Variants in WDR11 observed in about 807,000 individuals in gnomAD.
WDR11 encodes WD repeat domain 11.
A neutral mutation model predicts 151.2 loss-of-function variants in WDR11; 83 were observed. That is an observed-to-expected ratio of 0.55 (90% CI 0.46 to 0.66). WDR11 has a LOEUF of 0.66. WDR11 is among the 30% of genes least tolerant of loss of function. The probability of loss-of-function intolerance (pLI) is 0.00; values close to 1 mark genes in which losing one functional copy is unlikely to be tolerated. For synonymous variants in WDR11, 484 were observed against 533.1 expected, an observed-to-expected ratio of 0.91 and a Z score of 1.27; for missense variants, 1,301 against 1,480.9, an observed-to-expected ratio of 0.88 and a Z score of 1.99.
chr10:120,878,339 A>G lies in WDR11; in HGVS notation c.1557-14A>G. ...AGAGAATTAGTTTAACCTTTATCTC[A>G]TTTCCTATTATAGGGGTATTGAATG... On this transcript the variant is annotated splice_polypyrimidine_tract_variant and intron_variant, in intron 11 of 28. Coordinates refer to ENST00000263461, the MANE Select transcript of WDR11 (RefSeq NM_018117.12). The G allele has an allele frequency of 6.4e-7, 1 of 1,570,526 alleles. No individual in the cohort carries two copies. Among genetic ancestry groups the G allele is most frequent in the Non-Finnish European group, 8.8e-7 (1 of 1,141,942 alleles).
In WDR11 at chr10:120,866,732, G is replaced by A; in HGVS notation, c.1158G>A (p.Lys386=). ...SDGRVMIWEL[K]SAVCNRNSRN... ...GCAGGGTCATGATATGGGAACTCAA[G>A]TCTGCAGTTTGTAATCGAAATTCAC... Residue 386 remains lysine, a synonymous_variant, in exon 8 of 29, where the codon AAG becomes AAA. Coordinates refer to ENST00000263461, the MANE Select transcript of WDR11 (RefSeq NM_018117.12). The A allele has an allele frequency of 1.2e-6, 2 of 1,614,144 alleles. No individual in the cohort carries two copies. Among genetic ancestry groups the A allele is most frequent in the Non-Finnish European group, 8.5e-7 (1 of 1,180,012 alleles).
In WDR11 at chr10:120,889,171, G is replaced by T; in HGVS notation, c.2215G>T (p.Gly739Cys). ...AAATTTAAATTTCTGGGACTTGAAA[G>T]GCAGAGTATCCAGGTATAAGCCAAG... ...DGNLNFWDLK[G>C]RVSRGIPTHR... Residue 739 changes from glycine (G) to cysteine (C), a missense_variant, in exon 17 of 29, where the codon GGC (glycine) becomes TGC (cysteine). By Grantham distance (159) the Gly-to-Cys change is radical. Transcript: ENST00000263461. 7 of 1,607,188 alleles carry T rather than the reference G, an allele frequency of 4.4e-6. No individual in the cohort carries two copies. Among genetic ancestry groups the T allele is most frequent in the Non-Finnish European group, 6.0e-6 (7 of 1,173,856 alleles).
At position 120,905,298 on chromosome 10, in the gene WDR11, GGA is replaced by G; in HGVS notation, c.3194-20_3194-19del. 6.2e-7 allele frequency: 1 copy of G among 1,612,524 alleles called. No homozygotes were observed. The highest frequency in any genetic ancestry group is 8.5e-7 in the Non-Finnish European group (1 of 1,178,974). On this transcript the variant is annotated intron_variant, in intron 25 of 28. Transcript: ENST00000263461. ...GAAGGAGCTGCAGTGTCACTTAAGGGGATGCGCTTTTGTCTTTCAGAGGGCGT... is the reference window on the plus strand; with the variant it reads ...GAAGGAGCTGCAGTGTCACTTAAGGGTGCGCTTTTGTCTTTCAGAGGGCGT...
At chr10:120,902,426 C>T (rs1314272572) in intron 22 of WDR11, 104 bp downstream of exon 22, 1 of 926,460 alleles carries the variant, frequency 1.1e-6, no homozygotes, top group Non-Finnish European at 1.7e-6. Context: ...AAAAATGTAT[C>T]AGTTCATCCT....
intron 21 of WDR11, among the ~76,000 whole-genome samples, chr10:120,901,337 C>T (rs1016044230): frequency 2.0e-5 from 3 of 152,324 alleles, no homozygotes; most frequent in South Asian, 4.1e-4. Context: ...GCACCAGCTG[C>T]TCTGATCTCA....
Position 120,858,549 on chromosome 10 carries a change from A to G in WDR11, c.199-94A>G, listed in dbSNP as rs1338835094. On this transcript the variant is annotated intron_variant, in intron 2 of 28. Coordinates refer to ENST00000263461, the MANE Select transcript of WDR11 (RefSeq NM_018117.12). ...TCTTGCTAAATGTTTATGTAATATA[A>G]ATGTAGTATGGGTTCTGGTTGATGT... 11 of 1,424,978 alleles carry G rather than the reference A, an allele frequency of 7.7e-6. No homozygotes were observed. The Middle Eastern group carries it at 5.8e-4, about 75-fold the overall frequency. 88.3% of individuals were successfully genotyped at this position (1,424,978 alleles called of 1,614,324 possible). A position where few individuals can be genotyped will look rare whatever the true frequency, so the allele number is the denominator to read the frequency against.
At chr10:120,908,284 A>C in intron 28 of WDR11, 1 of 464,944 alleles carries the variant, frequency 2.2e-6, no homozygotes, top group Non-Finnish European at 4.0e-6. Flanking sequence ...TTATGGGAGG[A>C]TGTTGGTTGG....
intron 4 of WDR11, among the ~76,000 whole-genome samples, chr10:120,861,325 A>T (rs968714755): frequency 6.6e-6 from 1 of 152,220 alleles, no homozygotes; most frequent in Non-Finnish European, 1.5e-5. Flanking sequence ...AATACACTAC[A>T]GGGTGCTTAG....
At chr10:120,878,074 G>C (rs1846862680) in intron 11 of WDR11, among the ~76,000 whole-genome samples, 1 of 152,100 alleles carries the variant, frequency 6.6e-6, no homozygotes, top group African/African-American at 2.4e-5. Flanking sequence ...TCCCTGGCCA[G>C]ATTTTAATAG....
At chr10:120,900,889 A>C in intron 20 of WDR11, 147 bp from the exon 21 acceptor site, 1 of 659,212 alleles carries the variant, frequency 1.5e-6, no homozygotes, top group Non-Finnish European at 2.8e-6. Flanking sequence ...TCCTGAGTAG[A>C]TTGTTGTTAT....
chr10:120,865,422 T>C (rs1371872078), intron 6 of WDR11, among the ~76,000 whole-genome samples: 1 of 152,168 alleles, frequency 6.6e-6, no homozygotes, highest in African/African-American at 2.4e-5. Flanking sequence ...TCCTGAGATA[T>C]TTATTGAACT....
chr10:120,891,914 C>T (rs938917883), intron 19 of WDR11, among the ~76,000 whole-genome samples: 2 of 152,208 alleles, frequency 1.3e-5, no homozygotes, highest in Non-Finnish European at 2.9e-5. Flanking sequence ...TCAAGACCTA[C>T]ATTCCCATGT....
chr10:120,860,359 C>T (rs986621081), intron 4 of WDR11, 77 bp downstream of exon 4: 1 of 1,487,226 alleles, frequency 6.7e-7, no homozygotes, highest in Non-Finnish European at 9.2e-7. Flanking sequence ...ATGAGATATA[C>T]ACACACATTA....
At chr10:120,897,649 A>C (rs1301278427) in intron 19 of WDR11, among the ~76,000 whole-genome samples, 1 of 152,202 alleles carries the variant, frequency 6.6e-6, no homozygotes, top group Non-Finnish European at 1.5e-5. Context: ...CATTCTCCAC[A>C]GCAGCTGACC....
At chr10:120,903,001 C>A (rs1425975692) in intron 22 of WDR11, 54 bp from the exon 23 acceptor site, 2 of 1,583,728 alleles carry the variant, frequency 1.3e-6, no homozygotes, top group Non-Finnish European at 1.7e-6. Context: ...CTCTAGGAAG[C>A]CATCCAGGCC....
intron 28 of WDR11, chr10:120,908,351 G>A: frequency 1.6e-6 from 1 of 612,412 alleles, no homozygotes; most frequent in Non-Finnish European, 2.9e-6. Context: ...TGATGGTACA[G>A]ACTGAGACAT....
chr10:120,851,442 T>C lies in WDR11; in HGVS notation c.22T>C (p.Phe8Leu), dbSNP rs35347156. 6.2e-7 allele frequency: 1 copy of C among 1,612,114 alleles called. No homozygotes were observed. The highest frequency in any genetic ancestry group is 1.1e-5 in the South Asian group (1 of 90,572). MLPYTVN[F>L]KVSARTLTGA... ...CGGGATGTTGCCCTACACAGTGAAC[T>C]TCAAGGTGTCGGCGCGCACCCTCAC... The change falls in exon 1 of 29, where the codon TTC becomes CTC. Residue 8 changes from phenylalanine (F) to leucine (L), a missense_variant. Phe to Leu is a conservative substitution (Grantham distance 22). Around this residue, in one of 3 missense-constraint regions of WDR11, gnomAD observed 692 missense variants for 762.5 expected, o/e 0.91. Transcript: ENST00000263461.
At chr10:120,891,024 T>C (rs1847413614) in intron 19 of WDR11, 137 bp downstream of exon 19, 1 of 926,400 alleles carries the variant, frequency 1.1e-6, no homozygotes, top group Non-Finnish European at 1.7e-6. Context: ...GAAAATATAT[T>C]AACTTGAAGC....
Position 120,906,870 on chromosome 10 carries a change from G to A in WDR11, c.3517+15G>A. ...TGAGGACACAGATATCCTTTGCAAG[G>A]TTGTTTGTAGTGACGAGGAAGAAAG... On this transcript the variant is annotated intron_variant, in intron 28 of 28. Coordinates refer to ENST00000263461, the MANE Select transcript of WDR11 (RefSeq NM_018117.12). The A allele has an allele frequency of 6.2e-7, 1 of 1,614,118 alleles. No individual in the cohort carries two copies.
Sources: allele counts gnomAD v4.1 joint callset (sites outside exome capture counted in the v4.1 genomes callset), GRCh38; gene constraint gnomAD v4.1.1; regional missense constraint gnomAD v4.1.1; transcripts MANE v1.5; gene names NCBI Gene and HGNC (gene_info 2026-07-23, HGNC 2026-07-21).